Variants in EIF4E2 observed in about 807,000 individuals in gnomAD.
EIF4E2 encodes the protein eukaryotic translation initiation factor 4E type 2.
EIF4E2 carries 13 observed loss-of-function variants against 34.2 expected under a neutral mutation model. The ratio of observed to expected loss-of-function variants is 0.38; its 90% confidence interval spans 0.25 to 0.60. EIF4E2 has a LOEUF of 0.60. EIF4E2 is among the 20% of genes least tolerant of loss of function. The probability of loss-of-function intolerance (pLI) is 0.62; values close to 1 mark genes in which losing one functional copy is unlikely to be tolerated. For synonymous variants in EIF4E2, 100 were observed against 106.6 expected, an observed-to-expected ratio of 0.94 and a Z score of 0.38; for missense variants, 222 against 315.1, an observed-to-expected ratio of 0.70 and a Z score of 2.24.
At position 232,550,751 on chromosome 2, in the gene EIF4E2, G is replaced by A. The variant is rs989315296; in HGVS notation, c.20+7G>A. On this transcript the variant is annotated splice_region_variant and intron_variant, in intron 1 of 6. Transcript: ENST00000258416. ...TGAACAACAAGTTCGACGCGTGAGTGGCTCGTGGCCGCCCCCGGGGCCCCT... is the reference window on the plus strand; with the variant it reads ...TGAACAACAAGTTCGACGCGTGAGTAGCTCGTGGCCGCCCCCGGGGCCCCT... 1 of 1,571,974 alleles carries A rather than the reference G, an allele frequency of 6.4e-7. No homozygotes were observed. Among genetic ancestry groups the A allele is most frequent in the Non-Finnish European group, 8.6e-7 (1 of 1,161,360 alleles).
intron 1 of EIF4E2, among the ~76,000 whole-genome samples, chr2:232,553,574 C>G (rs922630473): frequency 2.0e-5 from 3 of 152,188 alleles, no homozygotes; most frequent in African/African-American, 4.8e-5. Flanking sequence ...TGGACAGTCT[C>G]AGAGTTGCTA....
downstream of EIF4E2, among the ~76,000 whole-genome samples, chr2:232,573,176 A>G (rs1227231417): frequency 6.6e-6 from 1 of 152,214 alleles, no homozygotes; most frequent in Non-Finnish European, 1.5e-5. Flanking sequence ...ATTTTTCCTT[A>G]ATTTAGTTAG....
chr2:232,561,608 A>G (rs1316184341), intron 3 of EIF4E2, among the ~76,000 whole-genome samples: 2 of 152,242 alleles, frequency 1.3e-5, no homozygotes, highest in East Asian at 3.8e-4. Flanking sequence ...GAATCCTTTT[A>G]TCAAATTGAA....
intron 3 of EIF4E2, among the ~76,000 whole-genome samples, chr2:232,561,276 AT>A (rs1245830836): frequency 6.6e-6 from 1 of 151,982 alleles, no homozygotes; most frequent in Non-Finnish European, 1.5e-5. Context: ...TCAAAAAAAG[AT>A]TTTTTTGGAG....
chr2:232,581,445 T>C lies in EIF4E2; in HGVS notation c.*502T>C, dbSNP rs1574682472. 1 of 297,856 alleles carries C rather than the reference T, an allele frequency of 3.4e-6. No homozygotes were observed. Among genetic ancestry groups the C allele is most frequent in the East Asian group, 9.7e-5 (1 of 10,282 alleles). 18.5% of individuals were successfully genotyped at this position (297,856 alleles called of 1,614,324 possible). A position where few individuals can be genotyped will look rare whatever the true frequency, so the allele number is the denominator to read the frequency against. Reference sequence around the variant, plus strand: ...GGACATTTTGTTTCTTTCTCTCCCCTCCTCCAAGCCCACCACTTTCTGAAG... The same window carrying C: ...GGACATTTTGTTTCTTTCTCTCCCCCCCTCCAAGCCCACCACTTTCTGAAG... On this transcript the variant is annotated 3_prime_UTR_variant, in exon 7 of 7. Coordinates refer to the EIF4E2 transcript ENST00000409098. This position sits in a 1 kb window ranked among gnomAD's most constrained non-coding sequence, Gnocchi z 5.2.
At chr2:232,564,537 G>A (rs1175670995) in intron 4 of EIF4E2, among the ~76,000 whole-genome samples, 186 bp downstream of exon 4, 2 of 152,198 alleles carry the variant, frequency 1.3e-5, no homozygotes, top group Admixed American at 6.5e-5. Flanking sequence ...TGCAAGCTCC[G>A]CCTCCCAGGT....
chr2:232,575,904 T>C (rs1171181284), intron 6 of EIF4E2, among the ~76,000 whole-genome samples: 1 of 152,224 alleles, frequency 6.6e-6, no homozygotes, highest in Non-Finnish European at 1.5e-5. Context: ...CCTTTTAATA[T>C]TCTTAAAATT....
chr2:232,567,757 G>A (rs573846918), intron 6 of EIF4E2: 237 of 987,824 alleles, frequency 2.4e-4, no homozygotes, highest in Admixed American at 6.1e-4. Context: ...AGGCCACAGG[G>A]AAAATAAGCT....
At chr2:232,568,107 A>T in intron 6 of EIF4E2, 1 of 985,462 alleles carries the variant, frequency 1.0e-6, no homozygotes, top group African/African-American at 1.7e-5. Flanking sequence ...GAGGGTCTTC[A>T]GATGGAGAAT....
At chr2:232,557,642 T>C (rs1692571609) in intron 2 of EIF4E2, 1 of 458,658 alleles carries the variant, frequency 2.2e-6, no homozygotes, top group East Asian at 3.8e-5. Flanking sequence ...GAATACCTAT[T>C]ATATGAGGGA....
chr2:232,557,813 T>C (rs899739466), intron 2 of EIF4E2, 71 bp from the exon 3 acceptor site: 25 of 1,556,638 alleles, frequency 1.6e-5, no homozygotes, highest in Admixed American at 1.1e-4. Context: ...GGATTGACAC[T>C]GCAAAATGTT....
intron 6 of EIF4E2, among the ~76,000 whole-genome samples, chr2:232,580,474 T>G (rs1693326555): frequency 6.6e-6 from 1 of 152,210 alleles, no homozygotes; most frequent in Admixed American, 6.5e-5. Context: ...AGTTTCATAA[T>G]GTATATATGA....
In EIF4E2 at chr2:232,568,594, C is replaced by T. The variant is rs189360940; in HGVS notation, c.666-351C>T. 68 of 985,436 alleles carry T rather than the reference C, an allele frequency of 6.9e-5. No homozygotes were observed. The East Asian group carries it at 5.9e-3, about 86-fold the overall frequency. The allele number at this position is 985,436 out of a possible 1,614,324, so 61.0% of individuals were successfully genotyped here. A position where few individuals can be genotyped will look rare whatever the true frequency, so the allele number is the denominator to read the frequency against. On this transcript the variant is annotated intron_variant, in intron 6 of 6. Coordinates refer to ENST00000258416, the MANE Select transcript of EIF4E2 (RefSeq NM_004846.4). The stretch of plus-strand genomic sequence containing the variant: ...GAATATCCCCTACTCCCACTTACCC[C>T]CAAAATAAGCTTTTTACCTGGATAG...
chr2:232,565,692 T>C (rs1266617932), intron 4 of EIF4E2, among the ~76,000 whole-genome samples: 1 of 152,154 alleles, frequency 6.6e-6, no homozygotes, highest in African/African-American at 2.4e-5. Context: ...ATCTTGTTCT[T>C]CCTTAACATA....
At chr2:232,551,040 T>C (rs1305721863) in intron 1 of EIF4E2, 7 of 610,866 alleles carry the variant, frequency 1.1e-5, no homozygotes, top group Non-Finnish European at 2.1e-5. Flanking sequence ...TGGATGCGGA[T>C]TGCCTGCGAC....
chr2:232,556,180 T>A (rs1692517391), intron 1 of EIF4E2, among the ~76,000 whole-genome samples: 1 of 152,252 alleles, frequency 6.6e-6, no homozygotes, highest in South Asian at 2.1e-4. Context: ...TTTGTGTGGC[T>A]TTTTAGAAAA....
chr2:232,568,534 C>T, intron 6 of EIF4E2: 21 of 985,398 alleles, frequency 2.1e-5, no homozygotes, highest in Non-Finnish European at 2.5e-5. Flanking sequence ...GAGAGATCTA[C>T]ACCTGTTTCT....
At chr2:232,561,830 G>A (rs1045198298) in intron 3 of EIF4E2, among the ~76,000 whole-genome samples, 2 of 151,878 alleles carry the variant, frequency 1.3e-5, no homozygotes, top group Admixed American at 6.6e-5. Flanking sequence ...CATGATTTCT[G>A]AGGTCCTTTC....
intron 6 of EIF4E2, among the ~76,000 whole-genome samples, chr2:232,576,189 C>T (rs547296790): frequency 3.6e-4 from 51 of 140,170 alleles, no homozygotes; most frequent in South Asian, 1.3e-3. Context: ...GGCAACAGAG[C>T]GAGACTCCAT....
Sources: gnomAD v4.1 joint callset for allele counts (sites outside exome capture counted in the v4.1 genomes callset) on GRCh38, gnomAD v4.1.1 for gene constraint, Gnocchi (gnomAD v3.1) non-coding constraint, MANE v1.5 for transcripts, NCBI Gene and HGNC (gene_info 2026-07-23, HGNC 2026-07-21) for gene names.